The following DAB1 variants were observed in gnomAD, a reference collection of about 807,000 sequenced individuals.
DAB1 encodes DAB adaptor protein 1.
DAB1 carries 15 observed loss-of-function variants against 64.6 expected under a neutral mutation model. That is an observed-to-expected ratio of 0.23 (90% CI 0.16 to 0.36). The LOEUF is 0.36. Among genes scored for constraint, DAB1 ranks in the 10% least tolerant of loss-of-function variants. The pLI is 1.00. For synonymous variants in DAB1, 235 were observed against 251.9 expected, an observed-to-expected ratio of 0.93 and a Z score of 0.64; for missense variants, 596 against 706.7, an observed-to-expected ratio of 0.84 and a Z score of 1.78.
Position 57,023,577 on chromosome 1 carries a change from T to C in DAB1, c.849A>G (p.Ala283=), listed in dbSNP as rs1462395611. 6.2e-7 allele frequency: 1 copy of C among 1,612,096 alleles called. No individual in the cohort carries two copies. Residue 283 remains alanine (A), a synonymous_variant, in exon 11 of 15, where the codon GCA becomes GCG. Transcript: ENST00000371236. ...PSSSQTLPAS[A]DVFSSVPFGT... is the part of the protein sequence containing the mutation. ...CGAAAGGTACAGAACTAAACACATC[T>C]GCACTCGCTGGAAGGGTCTGAGATG...
intron 5 of DAB1, among the ~76,000 whole-genome samples, chr1:58,149,240 C>G (rs1380020553): frequency 6.6e-6 from 1 of 152,120 alleles, no homozygotes; most frequent in African/African-American, 2.4e-5. Context: ...AAAAAATTCT[C>G]TTGTTCTAGT....
intron 6 of DAB1, among the ~76,000 whole-genome samples, chr1:57,773,160 C>A (rs1028062897): frequency 6.6e-6 from 1 of 152,028 alleles, no homozygotes; most frequent in African/African-American, 2.4e-5. Context: ...GAAAAAATTT[C>A]TGTTGTTTTA....
In DAB1 at chr1:57,407,646, C is replaced by G. The variant is rs576733082; in HGVS notation, c.-137+16284G>C. ...GGCCCAGAGAGTGAAGAGTCTTGCC[C>G]ATGGTCACAGAGCTAGTTATCAGCC... On this transcript the variant is annotated intron_variant, in intron 1 of 14. Coordinates refer to ENST00000371236, the MANE Select transcript of DAB1 (RefSeq NM_001365792.1). 7.6e-4 allele frequency among the ~76,000 whole-genome samples: 116 copies of G among 152,238 alleles called. 1 individual carries two copies. Among genetic ancestry groups the G allele is most frequent in the African/African-American group, 2.7e-3 (114 of 41,510 alleles).
chr1:57,292,657 C>A (rs1486401880), intron 1 of DAB1, among the ~76,000 whole-genome samples: 2 of 152,120 alleles, frequency 1.3e-5, no homozygotes, highest in East Asian at 3.9e-4. Context: ...CATTTCATTG[C>A]AGCAAATATT....
intron 3 of DAB1, chr1:58,473,678 T>G: frequency 3.2e-6 from 1 of 309,168 alleles, no homozygotes; most frequent in Non-Finnish European, 6.1e-6. Flanking sequence ...TTGTAAGAGG[T>G]CTCAATAATG....
At chr1:58,224,757 T>C (rs1659369417) in intron 4 of DAB1, among the ~76,000 whole-genome samples, 1 of 152,098 alleles carries the variant, frequency 6.6e-6, no homozygotes, top group South Asian at 2.1e-4. Context: ...TGGCTAGCCA[T>C]ATGTAGAAAG....
At position 58,185,553 on chromosome 1, in the gene DAB1, GGTTTT is replaced by G. The variant is rs377555169; in HGVS notation, n.310-34970_310-34966del. Reference sequence around the variant, plus strand: ...ATGCTGATTCCTGAAGCCTACCATAGGTTTTGTTTTGTTTTGTTTTGTTTTTAAAG... The same window carrying G: ...ATGCTGATTCCTGAAGCCTACCATAGGTTTTGTTTTGTTTTGTTTTTAAAG... On this transcript the variant is annotated intron_variant and non_coding_transcript_variant, in intron 4 of 20. Transcript: ENST00000485760. Among the ~76,000 whole-genome samples the G allele has an allele frequency of 5.7e-4, 86 of 152,132 alleles. 1 individual carries two copies. Among genetic ancestry groups the G allele is most frequent in the African/African-American group, 1.8e-3 (73 of 41,508 alleles).
Position 58,542,136 on chromosome 1 carries a change from T to C in DAB1, n.32+4567A>G, listed in dbSNP as rs1309337389. 3.9e-5 allele frequency among the ~76,000 whole-genome samples: 6 copies of C among 152,378 alleles called. No individual in the cohort carries two copies. In the East Asian group the frequency reaches 1.2e-3, roughly 29 times the overall value. ...TAATGTATAATGTTAATAAAGGGCA[T>C]GCTAAGTAAAACATTAACTTTGAGT... On this transcript the variant is annotated intron_variant and non_coding_transcript_variant, in intron 1 of 20. Coordinates refer to the DAB1 transcript ENST00000485760.
chr1:57,536,676 C>T (rs1050828418), intron 7 of DAB1, among the ~76,000 whole-genome samples: 5 of 149,494 alleles, frequency 3.3e-5, no homozygotes, highest in Non-Finnish European at 7.4e-5. Flanking sequence ...TGGTGGTAAC[C>T]GGTCCATGAG....
chr1:57,501,459 T>C (rs1001450774), intron 7 of DAB1, among the ~76,000 whole-genome samples: 1 of 152,078 alleles, frequency 6.6e-6, no homozygotes, highest in African/African-American at 2.4e-5. Flanking sequence ...CTAGAAATAA[T>C]AGATAAGTGT....
chr1:58,348,211 G>C (rs1644019821), intron 3 of DAB1, among the ~76,000 whole-genome samples: 1 of 152,168 alleles, frequency 6.6e-6, no homozygotes, highest in Non-Finnish European at 1.5e-5. Context: ...CTAGGAGGTT[G>C]TGATTTTTCC....
At chr1:57,326,402 G>A (rs919553633) in intron 1 of DAB1, among the ~76,000 whole-genome samples, 1 of 152,152 alleles carries the variant, frequency 6.6e-6, no homozygotes, top group Non-Finnish European at 1.5e-5. Flanking sequence ...GTCTATGGAG[G>A]TACTTTGAAA....
chr1:57,592,368 G>A (rs374222339), intron 7 of DAB1, among the ~76,000 whole-genome samples: 28 of 152,200 alleles, frequency 1.8e-4, no homozygotes, highest in Non-Finnish European at 1.5e-4. Flanking sequence ...CTTTAGAACC[G>A]GATTGAGAGC....
At chr1:57,414,234 G>A (rs1019610824) in intron 1 of DAB1, among the ~76,000 whole-genome samples, 1 of 152,200 alleles carries the variant, frequency 6.6e-6, no homozygotes, top group African/African-American at 2.4e-5. Context: ...ATGAAAGGAA[G>A]AGTCAATCAA....
intron 2 of DAB1, among the ~76,000 whole-genome samples, chr1:57,209,233 T>C (rs155284): frequency 0.49 from 74,085 of 152,082 alleles, 18,214 homozygotes; most frequent in Admixed American, 0.54. Context: ...CACTGAGTGT[T>C]TCTAGCTTGG....
At chr1:58,423,762 T>C (rs1235162311) in intron 3 of DAB1, among the ~76,000 whole-genome samples, 1 of 152,228 alleles carries the variant, frequency 6.6e-6, no homozygotes, top group Non-Finnish European at 1.5e-5. Flanking sequence ...CACCATCTTC[T>C]CTTTTGCTGC....
intron 6 of DAB1, among the ~76,000 whole-genome samples, chr1:57,741,232 T>C (rs1163367495): frequency 1.3e-5 from 2 of 152,210 alleles, no homozygotes; most frequent in Non-Finnish European, 2.9e-5. Flanking sequence ...ATCTTCTGTT[T>C]CCTCTCTACT....
chr1:58,052,924 G>A (rs2100532140), intron 5 of DAB1, among the ~76,000 whole-genome samples: 1 of 152,318 alleles, frequency 6.6e-6, no homozygotes, highest in South Asian at 2.1e-4. Flanking sequence ...TGCTTTTGGT[G>A]ATGGCCTTAG....
intron 4 of DAB1, among the ~76,000 whole-genome samples, chr1:58,302,089 T>G (rs772256743): frequency 2.0e-5 from 3 of 152,114 alleles, no homozygotes; most frequent in Non-Finnish European, 4.4e-5. Context: ...ATCAGGGAAT[T>G]TGGCTCCCCT....
Sources: allele counts gnomAD v4.1 joint callset (sites outside exome capture counted in the v4.1 genomes callset), GRCh38; gene constraint gnomAD v4.1.1; transcripts MANE v1.5; gene names NCBI Gene and HGNC (gene_info 2026-07-23, HGNC 2026-07-21).